The following ADH4 variants were observed in gnomAD, a reference collection of about 807,000 sequenced individuals.
ADH4 encodes the protein alcohol dehydrogenase 4 (class II), pi polypeptide.
ADH4 carries 31 observed loss-of-function variants against 35.2 expected under a neutral mutation model. That is an observed-to-expected ratio of 0.88 (90% CI 0.66 to 1.19). ADH4 has a LOEUF of 1.19. ADH4 is among the 50% of genes most tolerant of loss of function. The pLI, the probability that ADH4 is intolerant of heterozygous loss-of-function variation, is 0.00. For missense variants in ADH4, 476 were observed against 458.3 expected (o/e 1.04, Z -0.35); for synonymous variants, 171 against 160.2 (o/e 1.07, Z -0.51).
chr4:99,132,965 C>T (rs29001196), intron 5 of ADH4, among the ~76,000 whole-genome samples: 32,026 of 152,026 alleles, frequency 0.21, 4,047 homozygotes, highest in Non-Finnish European at 0.29. Flanking sequence ...ATATATATTG[C>T]AAATAGTAAG....
chr4:99,128,615 A>G (rs1447864878), intron 6 of ADH4, among the ~76,000 whole-genome samples: 1 of 152,162 alleles, frequency 6.6e-6, no homozygotes, highest in Non-Finnish European at 1.5e-5. Flanking sequence ...TAAATAATAA[A>G]TGCTGGATAT....
intron 3 of ADH4, among the ~76,000 whole-genome samples, chr4:99,139,535 A>G (rs1349227880): frequency 1.3e-5 from 2 of 152,170 alleles, no homozygotes; most frequent in Non-Finnish European, 2.9e-5. Flanking sequence ...TAAACTTTAT[A>G]TCATTGCTAT....
At chr4:99,127,660 C>T (rs1729141799) in intron 6 of ADH4, among the ~76,000 whole-genome samples, 1 of 151,926 alleles carries the variant, frequency 6.6e-6, no homozygotes, top group African/African-American at 2.4e-5. Flanking sequence ...AAAACCCCGT[C>T]TCTACTAAAA....
chr4:99,130,444 G>A (rs910055725), intron 6 of ADH4, among the ~76,000 whole-genome samples: 2 of 152,140 alleles, frequency 1.3e-5, no homozygotes, highest in African/African-American at 4.8e-5. Context: ...AAGCTACAGG[G>A]TGTTGACCCT....
chr4:99,129,489 A>G (rs1729207853), intron 6 of ADH4, among the ~76,000 whole-genome samples: 2 of 152,194 alleles, frequency 1.3e-5, no homozygotes, highest in Admixed American at 1.3e-4. Context: ...CTATGTTAAA[A>G]CAAAGTCTCT....
At chr4:99,135,326 G>C (rs1161088606) in intron 5 of ADH4, among the ~76,000 whole-genome samples, 1 of 152,114 alleles carries the variant, frequency 6.6e-6, no homozygotes, top group African/African-American at 2.4e-5. Flanking sequence ...CTACTTGGAG[G>C]GCTGAAGTGG....
In ADH4 at chr4:99,144,245, G is replaced by A. The variant is rs769466933; in HGVS notation, c.-23C>T. 19 of 1,612,036 alleles carry A rather than the reference G, an allele frequency of 1.2e-5. No homozygotes were observed. Among genetic ancestry groups the A allele is most frequent in the Non-Finnish European group, 1.6e-5 (19 of 1,178,246 alleles). On this transcript the variant is annotated 5_prime_UTR_variant, in exon 1 of 9. Transcript: ENST00000265512. The stretch of plus-strand genomic sequence containing the variant: ...CATTTTTCTTTGGGAAACTGTGTTG[G>A]AAGTTTCTTTCTGAGTTAAGAAAGC...
In ADH4 at chr4:99,139,134, G is replaced by T. The variant is rs144845026; in HGVS notation, c.277C>A (p.Pro93Thr). Reference sequence around the variant, plus strand: ...TTTCTACATAGAGGTGCATAAAGTGGAATTACTTTGTCACCTAGAAAGAAA... The same window carrying T: ...TTTCTACATAGAGGTGCATAAAGTGTAATTACTTTGTCACCTAGAAAGAAA... The part of the protein sequence containing the change: ...TNVKPGDKVI[P>T]LYAPLCRKCK... The change falls in exon 4 of 9, where the codon CCA becomes ACA. Residue 93 changes from proline to threonine, a missense_variant. Pro to Thr is a conservative substitution (Grantham distance 38). Transcript: ENST00000265512. 2 of 1,612,514 alleles carry T rather than the reference G, an allele frequency of 1.2e-6. No homozygotes were observed. The highest frequency in any genetic ancestry group is 1.3e-5 in the African/African-American group (1 of 74,858).
intron 5 of ADH4, among the ~76,000 whole-genome samples, chr4:99,135,887 C>A (rs1291982973): frequency 6.6e-6 from 1 of 152,154 alleles, no homozygotes; most frequent in Non-Finnish European, 1.5e-5. Context: ...AGTTCTAGAT[C>A]AGATGCTTTG....
intron 6 of ADH4, 57 bp from the exon 7 acceptor site, chr4:99,127,401 A>G: frequency 1.4e-6 from 2 of 1,443,746 alleles, no homozygotes; most frequent in South Asian, 2.7e-5. Context: ...TATGAACTCC[A>G]GTGTGGCAAT....
chr4:99,126,593 C>A lies in ADH4; in HGVS notation c.1118+1G>T. ...CATTCAGTCATCTATTAGTAATGTACCTTTTTCCTTGGTTCATTAGGTCAA... is the reference window on the plus strand; with the variant it reads ...CATTCAGTCATCTATTAGTAATGTAACTTTTTCCTTGGTTCATTAGGTCAA... On this transcript the variant is annotated splice_donor_variant, in intron 8 of 8. Transcript: ENST00000265512. LOFTEE classifies it high-confidence loss of function. The A allele has an allele frequency of 6.2e-7, 1 of 1,602,326 alleles. No individual in the cohort carries two copies. Among genetic ancestry groups the A allele is most frequent in the South Asian group, 1.1e-5 (1 of 89,806 alleles).
chr4:99,134,587 C>T (rs994362548), intron 5 of ADH4, among the ~76,000 whole-genome samples: 17 of 151,956 alleles, frequency 1.1e-4, no homozygotes, highest in African/African-American at 4.1e-4. Context: ...AAGTCTCTAG[C>T]GCCATACAGC....
At chr4:99,135,903 G>A (rs1579399923) in intron 5 of ADH4, among the ~76,000 whole-genome samples, 1 of 152,138 alleles carries the variant, frequency 6.6e-6, no homozygotes, top group South Asian at 2.1e-4. Flanking sequence ...CTTTGTAAGA[G>A]TTTCTAAATT....
chr4:99,137,309 G>A (rs1244689809), intron 4 of ADH4, among the ~76,000 whole-genome samples: 1 of 152,008 alleles, frequency 6.6e-6, no homozygotes, highest in Non-Finnish European at 1.5e-5. Context: ...TGTATTTTTA[G>A]TAGAGATGAG....
At chr4:99,142,335 T>A (rs1729653018) in intron 2 of ADH4, among the ~76,000 whole-genome samples, 1 of 152,222 alleles carries the variant, frequency 6.6e-6, no homozygotes, top group Admixed American at 6.5e-5. Context: ...GATCAAATTG[T>A]CTATCTTCCT....
chr4:99,132,310 A>C (rs920480606), intron 5 of ADH4, among the ~76,000 whole-genome samples: 1 of 152,168 alleles, frequency 6.6e-6, no homozygotes, highest in Non-Finnish European at 1.5e-5. Flanking sequence ...AGATTGTTGC[A>C]CTTTCTTCTC....
At chr4:99,141,516 A>AT (rs1560781682) in intron 3 of ADH4, 25 bp downstream of exon 3, 2 of 1,596,208 alleles carry the variant, frequency 1.3e-6, no homozygotes. Context: ...TGACATTTCC[A>AT]TTTTTTCTGA....
At chr4:99,130,454 T>A (rs1352746088) in intron 6 of ADH4, among the ~76,000 whole-genome samples, 1 of 152,146 alleles carries the variant, frequency 6.6e-6, no homozygotes, top group East Asian at 1.9e-4. Context: ...GTGTTGACCC[T>A]TGGTTTAGAG....
chr4:99,141,565 GC>G lies in ADH4; in HGVS notation c.237del (p.Pro80GlnfsTer3), dbSNP rs748956727. The G allele has an allele frequency of 1.5e-5, 25 of 1,613,782 alleles. No homozygotes were observed. The highest frequency in any genetic ancestry group is 1.6e-4 in the Middle Eastern group (1 of 6,082). On this transcript the variant is annotated frameshift_variant, in exon 3 of 9. Transcript: ENST00000265512. LOFTEE classifies it high-confidence loss of function. ...HEAAGIVESI[G>X]PGVTNVKPGD... Reference sequence around the variant, plus strand: ...CCTGGTTTGACGTTGGTCACTCCTGGCCCAATACTTTCCACAATACCTGCAG... The same window carrying G: ...CCTGGTTTGACGTTGGTCACTCCTGGCCAATACTTTCCACAATACCTGCAG...
Sources: gnomAD v4.1 joint callset for allele counts (sites outside exome capture counted in the v4.1 genomes callset) on GRCh38, gnomAD v4.1.1 for gene constraint, MANE v1.5 for transcripts, NCBI Gene and HGNC (gene_info 2026-07-23, HGNC 2026-07-21) for gene names.